NPHP4: variants seen among roughly 807,000 people sequenced by gnomAD.
NPHP4 encodes the protein nephrocystin-4.
Under a neutral mutation model 155.8 loss-of-function variants are expected in NPHP4, and 151 were observed. The ratio of observed to expected loss-of-function variants is 0.97; its 90% CI spans 0.85 to 1.11. The LOEUF (loss-of-function observed/expected upper bound fraction) is 1.11, where lower values mean the gene tolerates loss of function less well. Ranked by LOEUF, NPHP4 falls within the 50% of genes least tolerant of loss-of-function variation. The probability of loss-of-function intolerance (pLI) is 0.00; values close to 1 mark genes in which losing one functional copy is unlikely to be tolerated. For synonymous variants in NPHP4, 845 were observed against 816.8 expected (o/e 1.03, Z -0.59); for missense variants, 1,956 against 1,925.7 (o/e 1.02, Z -0.29).
chr1:5,913,807 G>A (rs1224915341), intron 11 of NPHP4, among the ~76,000 whole-genome samples: 3 of 152,162 alleles, frequency 2.0e-5, no homozygotes, highest in African/African-American at 7.2e-5. Flanking sequence ...TATACTCACA[G>A]GGACAATATT....
chr1:5,966,121 G>A (rs1331994909), intron 5 of NPHP4, among the ~76,000 whole-genome samples: 1 of 152,168 alleles, frequency 6.6e-6, no homozygotes, highest in Non-Finnish European at 1.5e-5. Context: ...CCTGCAGGCT[G>A]CAGCCCTTTA....
chr1:5,909,146 A>G lies in NPHP4; in HGVS notation c.1503+6T>C. On this transcript the variant is annotated splice_donor_region_variant and intron_variant, in intron 12 of 29. Coordinates refer to ENST00000378156, the MANE Select transcript of NPHP4 (RefSeq NM_015102.5). ...CTGAAGGAGGCCGTGGGGGGCCTGG[A>G]CTTACCCCTGGTCCCACAGGTGAGT... 1 of 1,593,388 alleles carries G rather than the reference A, an allele frequency of 6.3e-7. No homozygotes were observed. The highest frequency in any genetic ancestry group is 2.3e-5 in the East Asian group (1 of 44,058).
chr1:5,985,672 T>C (rs971931473), intron 2 of NPHP4, among the ~76,000 whole-genome samples: 1 of 152,226 alleles, frequency 6.6e-6, no homozygotes, highest in African/African-American at 2.4e-5. Flanking sequence ...GAATCATAGA[T>C]TCTCTTTGCT....
chr1:5,977,447 G>C (rs1205472030), intron 3 of NPHP4, among the ~76,000 whole-genome samples: 1 of 151,948 alleles, frequency 6.6e-6, no homozygotes, highest in African/African-American at 2.4e-5. Flanking sequence ...ACCTAAAGCA[G>C]GTCTCCACGT....
In NPHP4 at chr1:5,882,963, G is replaced by GAT. The variant is rs1459766507; in HGVS notation, c.2486-2726_2486-2725dup. On this transcript the variant is annotated intron_variant, in intron 18 of 29. Coordinates refer to ENST00000378156, the MANE Select transcript of NPHP4 (RefSeq NM_015102.5). The surrounding 1 kb of genome is among the most constrained non-coding windows in gnomAD (Gnocchi z 5.1). ...AGATCAGCGCTCCTTCACACGAACA[G>GAT]ATGTTCATGCCCCATGATGGGCTGT... The GAT allele has an allele frequency of 6.6e-6, 1 of 152,248 alleles. No homozygotes were observed. Among genetic ancestry groups the GAT allele is most frequent in the Non-Finnish European group, 1.5e-5 (1 of 68,064 alleles). The allele number at this position is 152,248 out of a possible 1,614,324, so 9.4% of individuals were successfully genotyped here.
In NPHP4 at chr1:5,986,157, G is replaced by T; in HGVS notation, c.133C>A (p.Gln45Lys). 2.5e-6 allele frequency: 4 copies of T among 1,613,772 alleles called. No homozygotes were observed. Among genetic ancestry groups the T allele is most frequent in the Non-Finnish European group, 3.4e-6 (4 of 1,179,828 alleles). The change falls in exon 2 of 30, where the codon CAG (glutamine) becomes AAG (lysine). Residue 45 changes from glutamine (Q) to lysine (K), a missense_variant and splice_region_variant. Coordinates refer to ENST00000378156, the MANE Select transcript of NPHP4 (RefSeq NM_015102.5). ...TTGCTAACAGCACATTTTGTTACCT[G>T]CCTAATTACCGGTCCGTCCAGCCAC... Reference protein sequence around the residue: ...LKWLDGPVIRQGVLEVLSEVE... With the variant: ...LKWLDGPVIRKGVLEVLSEVE...
chr1:5,986,341 A>G lies in NPHP4; in HGVS notation c.-38-14T>C. On this transcript the variant is annotated splice_polypyrimidine_tract_variant and intron_variant, in intron 1 of 29. Coordinates refer to ENST00000378156, the MANE Select transcript of NPHP4 (RefSeq NM_015102.5). ...TTCCCGGATGATCTGTGCCAGTCGT[A>G]TTCAAATAAAGAGAAGAGCTGTGAG... is the stretch of plus-strand genomic sequence containing the variant. 1 of 1,600,984 alleles carries G rather than the reference A, an allele frequency of 6.2e-7. No homozygotes were observed. The highest frequency in any genetic ancestry group is 1.1e-5 in the South Asian group (1 of 89,916).
Position 5,892,586 on chromosome 1 carries a change from G to A in NPHP4, c.2144-1558C>T, listed in dbSNP as rs1402093764. 1.3e-5 allele frequency among the ~76,000 whole-genome samples: 2 copies of A among 152,112 alleles called. No homozygotes were observed. Among genetic ancestry groups the A allele is most frequent in the South Asian group, 4.1e-4 (2 of 4,832 alleles). On this transcript the variant is annotated intron_variant, in intron 16 of 29. Coordinates refer to ENST00000378156, the MANE Select transcript of NPHP4 (RefSeq NM_015102.5). This position sits in a 1 kb window ranked among gnomAD's most constrained non-coding sequence, Gnocchi z 4.5. ...GGGGTATAGTGGTGACAGAATGGGG[G>A]CCGGTCCAGCGGGGCACTGGAAGGA...
chr1:5,960,383 T>C (rs1194499267), intron 6 of NPHP4, among the ~76,000 whole-genome samples: 2 of 152,100 alleles, frequency 1.3e-5, no homozygotes, highest in East Asian at 3.9e-4. Context: ...TAATAACATC[T>C]ACACCCCAGC....
chr1:5,967,720 T>C (rs1429954158), intron 4 of NPHP4, among the ~76,000 whole-genome samples: 1 of 152,110 alleles, frequency 6.6e-6, no homozygotes, highest in African/African-American at 2.4e-5. Context: ...ATGATTCTGC[T>C]CCCTAAGGCA....
chr1:5,895,928 G>T (rs1455440852), intron 16 of NPHP4, among the ~76,000 whole-genome samples: 7 of 151,920 alleles, frequency 4.6e-5, no homozygotes, highest in Non-Finnish European at 1.0e-4. Context: ...CACAGGTGAC[G>T]TCTGTGCAGC....
chr1:5,863,503 C>G, intron 29 of NPHP4, 98 bp from the exon 30 acceptor site: 3 of 1,472,252 alleles, frequency 2.0e-6, no homozygotes, highest in Non-Finnish European at 2.8e-6. Context: ...CCAAGGGGAG[C>G]TGACAAGGCA....
intron 29 of NPHP4, chr1:5,863,643 G>C: frequency 1.6e-6 from 1 of 622,558 alleles, no homozygotes; most frequent in East Asian, 2.7e-5. Context: ...AGACTGAGCT[G>C]TCTAACATTA....
At position 5,960,897 on chromosome 1, in the gene NPHP4, G is replaced by A. The variant is rs534812011; in HGVS notation, c.673+897C>T. ...AATTTCAGTTTCCAAAAATCCTCAGGTCACTGCACACCCATGTTCACAGCA... is the reference window on the plus strand; with the variant it reads ...AATTTCAGTTTCCAAAAATCCTCAGATCACTGCACACCCATGTTCACAGCA... On this transcript the variant is annotated intron_variant, in intron 6 of 29. Coordinates refer to ENST00000378156, the MANE Select transcript of NPHP4 (RefSeq NM_015102.5). Among the ~76,000 whole-genome samples the A allele has an allele frequency of 1.4e-4, 21 of 152,194 alleles. No individual in the cohort carries two copies. The South Asian group carries it at 3.5e-3, about 26-fold the overall frequency.
chr1:5,867,181 C>T lies in NPHP4; in HGVS notation c.3473-66G>A. ...CCCAGCCTGTGTGGAGAAGGCCCCACACATTACACACTATAGGACAGGACA... is the reference window on the plus strand; with the variant it reads ...CCCAGCCTGTGTGGAGAAGGCCCCATACATTACACACTATAGGACAGGACA... On this transcript the variant is annotated intron_variant, in intron 24 of 29. Coordinates refer to ENST00000378156, the MANE Select transcript of NPHP4 (RefSeq NM_015102.5). This position sits in a 1 kb window ranked among gnomAD's most constrained non-coding sequence, Gnocchi z 4.1. 8.3e-7 allele frequency: 1 copy of T among 1,202,640 alleles called. No individual in the cohort carries two copies. Among genetic ancestry groups the T allele is most frequent in the African/African-American group, 1.5e-5 (1 of 66,540 alleles). 74.5% of individuals were successfully genotyped at this position (1,202,640 alleles called of 1,614,324 possible).
rs905469 is a variant in NPHP4, at chr1:5,873,470, A to G, written c.3232-135T>C. 0.1 allele frequency: 73,472 copies of G among 706,912 alleles called. 4,212 individuals carry two copies. The highest frequency in any genetic ancestry group is 0.14 in the South Asian group (8,751 of 62,980). The allele number at this position is 706,912 out of a possible 1,614,324, so 43.8% of individuals were successfully genotyped here. ...CACACTGACTCTCCAGGCAGCAACC[A>G]TCACCAACCGGCCTCACTGTGCCAG... On this transcript the variant is annotated intron_variant, in intron 22 of 29. Transcript: ENST00000378156.
intron 8 of NPHP4, 36 bp downstream of exon 8, chr1:5,948,034 A>C: frequency 6.5e-7 from 1 of 1,534,488 alleles, no homozygotes. Context: ...TCCCTTGCAC[A>C]TCCCCACCCA....
At chr1:5,901,664 G>A (rs72630615) in intron 16 of NPHP4, among the ~76,000 whole-genome samples, 534 of 152,264 alleles carry the variant, frequency 3.5e-3, no homozygotes, top group Non-Finnish European at 4.9e-3. Flanking sequence ...TTTATTGAAT[G>A]GTCTCAACGC....
In NPHP4 at chr1:5,880,150, A is replaced by G; in HGVS notation, c.2575T>C (p.Ser859Pro). ...CCAGTCGTGAGGAGGCTGCCTCCAG[A>G]GAAGCGGCTGGCTCCATCGTTTGAG... ...VISNDGASRF[S>P]GGSLLTTGSS... The change falls in exon 19 of 30, where the codon TCT becomes CCT. Residue 859 changes from serine (S) to proline (P), a missense_variant. Ser to Pro is a moderately conservative substitution (Grantham distance 74, BLOSUM62 -1). Coordinates refer to ENST00000378156, the MANE Select transcript of NPHP4 (RefSeq NM_015102.5). 4.3e-6 allele frequency: 7 copies of G among 1,613,756 alleles called. No individual in the cohort carries two copies. Among genetic ancestry groups the G allele is most frequent in the Non-Finnish European group, 5.1e-6 (6 of 1,179,778 alleles).
Sources: allele counts gnomAD v4.1 joint callset (sites outside exome capture counted in the v4.1 genomes callset), GRCh38; gene constraint gnomAD v4.1.1; non-coding constraint Gnocchi (gnomAD v3.1); transcripts MANE v1.5; gene names NCBI Gene and HGNC (gene_info 2026-07-23, HGNC 2026-07-21).